The following SLC25A48 variants were observed in gnomAD, a reference collection of about 807,000 sequenced individuals.
SLC25A48 encodes CTC-321K16.1.
In SLC25A48, 29 loss-of-function variants were observed where a neutral mutation model predicts 32.2. The observed-to-expected ratio is 0.90, with a 90% CI of 0.67 to 1.23. The LOEUF is 1.23. SLC25A48 is among the 50% of genes most tolerant of loss of function. SLC25A48 has a pLI of 0.00. For synonymous variants in SLC25A48, 164 were observed against 172.3 expected (o/e 0.95, Z 0.38); for missense variants, 399 against 422.7 (o/e 0.94, Z 0.49).
At chr5:135,624,221 G>T (rs528570466) in intron 1 of SLC25A48, among the ~76,000 whole-genome samples, 3 of 152,186 alleles carry the variant, frequency 2.0e-5, no homozygotes, top group South Asian at 2.1e-4. Flanking sequence ...GAACCATAGC[G>T]CAGTGATGGG....
rs375292672 is a variant in SLC25A48, at chr5:135,734,421, A to G, written c.-520-78102A>G. Among the ~76,000 whole-genome samples, 37 of 152,174 alleles carry G rather than the reference A, an allele frequency of 2.4e-4. No homozygotes were observed. In the South Asian group the frequency reaches 7.7e-3, roughly 32 times the overall value. ...GTCCAAGTTGGCACCAGAGTGGGGG[A>G]GTTTTAAGGGGTTTTGAAGCTTGGC... On this transcript the variant is annotated intron_variant, in intron 3 of 10. Coordinates refer to the SLC25A48 transcript ENST00000646290.
At chr5:135,703,967 G>A (rs1754452416) in intron 3 of SLC25A48, among the ~76,000 whole-genome samples, 1 of 152,236 alleles carries the variant, frequency 6.6e-6, no homozygotes, top group Admixed American at 6.5e-5. Flanking sequence ...AGTGTTTGGT[G>A]TTTACAGCAG....
At chr5:135,668,899 G>A (rs1418173959) in intron 3 of SLC25A48, among the ~76,000 whole-genome samples, 1 of 152,158 alleles carries the variant, frequency 6.6e-6, no homozygotes, top group East Asian at 1.9e-4. Flanking sequence ...GGCTTTCTGG[G>A]AAAGGCAAAG....
chr5:135,879,634 G>A (rs891578999), intron 6 of SLC25A48, among the ~76,000 whole-genome samples: 2 of 151,852 alleles, frequency 1.3e-5, no homozygotes, highest in African/African-American at 4.8e-5. Context: ...GTGTGTGTGT[G>A]TGTGTGTGTA....
intron 3 of SLC25A48, among the ~76,000 whole-genome samples, chr5:135,710,121 GC>G: frequency 6.6e-6 from 1 of 152,198 alleles, no homozygotes; most frequent in East Asian, 1.9e-4. Flanking sequence ...TCACTGTGAG[GC>G]CCCAAGTGTG....
chr5:135,623,379 C>T (rs563406593), intron 1 of SLC25A48, among the ~76,000 whole-genome samples: 10 of 152,318 alleles, frequency 6.6e-5, no homozygotes, highest in South Asian at 4.2e-4. Context: ...GTTTCCCCAT[C>T]GGCATGGTGC....
rs869088370 is a variant in SLC25A48, at chr5:135,630,588, C to CTTTTTTTT, written c.-709+1238_-709+1245dup. 1.3e-3 allele frequency among the ~76,000 whole-genome samples: 76 copies of CTTTTTTTT among 58,950 alleles called. 15 individuals carry two copies. Among genetic ancestry groups the CTTTTTTTT allele is most frequent in the African/African-American group, 3.1e-3 (50 of 16,386 alleles). 38.7% of individuals were successfully genotyped at this position (58,950 alleles called of 152,430 possible). A position where few individuals can be genotyped will look rare whatever the true frequency, so the allele number is the denominator to read the frequency against. ...AGGGGAAGATGGTTAGGCTGGGCAC[C>CTTTTTTTT]TTTTTTTTTTTTTTTTTTTTTTTTT... On this transcript the variant is annotated intron_variant, in intron 2 of 10. Coordinates refer to the SLC25A48 transcript ENST00000646290.
chr5:135,784,075 G>A (rs1295044234), intron 3 of SLC25A48, among the ~76,000 whole-genome samples: 2 of 117,332 alleles, frequency 1.7e-5, no homozygotes, highest in African/African-American at 5.2e-5. Context: ...TATCGCAGGA[G>A]GTGTACACCC....
intron 7 of SLC25A48, chr5:135,883,369 C>T: frequency 1.0e-6 from 1 of 985,498 alleles, no homozygotes; most frequent in Non-Finnish European, 1.2e-6. Flanking sequence ...ACCCTCCCCC[C>T]ATGGCCATTG....
intron 4 of SLC25A48, among the ~76,000 whole-genome samples, chr5:135,820,572 A>G (rs544821735): frequency 6.6e-6 from 1 of 152,338 alleles, no homozygotes; most frequent in South Asian, 2.1e-4. Context: ...ATATAAAACT[A>G]AAGAGATCAA....
chr5:135,843,576 C>T (rs1379188959), intron 2 of SLC25A48, among the ~76,000 whole-genome samples: 2 of 152,150 alleles, frequency 1.3e-5, no homozygotes, highest in Non-Finnish European at 2.9e-5. Flanking sequence ...ATGGCAAACA[C>T]AGTGATGAGA....
rs1171791719 is a variant in SLC25A48, at chr5:135,768,834, A to G, written c.-520-43689A>G. ...GTAAAAGAGGATGATATTACTCGCA[A>G]TATTGTAAACACCCTTTGTGTACAC... On this transcript the variant is annotated intron_variant, in intron 3 of 10. Coordinates refer to the SLC25A48 transcript ENST00000646290. Among the ~76,000 whole-genome samples, 6 of 151,788 alleles carry G rather than the reference A, an allele frequency of 4.0e-5. No homozygotes were observed. The South Asian group carries it at 6.2e-4, about 16-fold the overall frequency.
At chr5:135,689,133 G>C (rs1252981865) in intron 3 of SLC25A48, among the ~76,000 whole-genome samples, 1 of 152,148 alleles carries the variant, frequency 6.6e-6, no homozygotes, top group Non-Finnish European at 1.5e-5. Context: ...TCATTGGTTT[G>C]CATGAAATCA....
chr5:135,673,378 ATGCTAACACTTGATATGGGCACTTTAAT>A (rs1467238752), intron 3 of SLC25A48, among the ~76,000 whole-genome samples: 1 of 152,184 alleles, frequency 6.6e-6, no homozygotes, highest in Non-Finnish European at 1.5e-5. Flanking sequence ...GTTCCTGCCC[ATGCTAACACTTGATATGGGCACTTTAAT>A]TTTAGCCATT....
At chr5:135,858,937 G>A (rs1760557789) in intron 4 of SLC25A48, among the ~76,000 whole-genome samples, 1 of 152,098 alleles carries the variant, frequency 6.6e-6, no homozygotes, top group Non-Finnish European at 1.5e-5. Flanking sequence ...GGCAGCAGGT[G>A]CTAGACAGGA....
In SLC25A48 at chr5:135,721,683, G is replaced by A. The variant is rs79032070; in HGVS notation, c.-521+86727G>A. Among the ~76,000 whole-genome samples, 69 of 135,842 alleles carry A rather than the reference G, an allele frequency of 5.1e-4. 2 individuals carry two copies. In the East Asian group the frequency reaches 0.014, roughly 28 times the overall value. The allele number at this position is 135,842 out of a possible 152,430, so 89.1% of individuals were successfully genotyped here. A position where few individuals can be genotyped will look rare whatever the true frequency, so the allele number is the denominator to read the frequency against. On this transcript the variant is annotated intron_variant, in intron 3 of 10. Coordinates refer to the SLC25A48 transcript ENST00000646290. ...CTCCAAAAGCAAGCGTAAGAGCTGGGAGGGCTAGAGGGGGACAGTTCCTGC... is the reference window on the plus strand; with the variant it reads ...CTCCAAAAGCAAGCGTAAGAGCTGGAAGGGCTAGAGGGGGACAGTTCCTGC...
intron 4 of SLC25A48, among the ~76,000 whole-genome samples, chr5:135,813,826 C>A (rs1757647723): frequency 6.6e-6 from 1 of 152,148 alleles, no homozygotes; most frequent in Non-Finnish European, 1.5e-5. Flanking sequence ...GAGGAGGGTG[C>A]TGCGCTGAGT....
At chr5:135,807,233 G>C (rs889725840) in intron 3 of SLC25A48, among the ~76,000 whole-genome samples, 1 of 149,944 alleles carries the variant, frequency 6.7e-6, no homozygotes, top group Non-Finnish European at 1.5e-5. Flanking sequence ...AAATATCATG[G>C]CTATTTCATG....
chr5:135,744,106 C>A (rs545670263), intron 3 of SLC25A48, among the ~76,000 whole-genome samples: 1 of 152,280 alleles, frequency 6.6e-6, no homozygotes, highest in South Asian at 2.1e-4. Context: ...ATATACTGGG[C>A]TCTAATTTAA....
Sources: allele counts gnomAD v4.1 joint callset (sites outside exome capture counted in the v4.1 genomes callset), GRCh38; gene constraint gnomAD v4.1.1; transcripts MANE v1.5; gene names NCBI Gene and HGNC (gene_info 2026-07-23, HGNC 2026-07-21).